The following MAGI2 variants were observed in gnomAD, a reference collection of about 807,000 sequenced individuals.
MAGI2 encodes membrane-associated guanylate kinase, WW and PDZ domain-containing protein 2.
MAGI2 carries 35 observed loss-of-function variants against 133.3 expected under a neutral mutation model. The observed-to-expected ratio is 0.26, with a 90% CI of 0.20 to 0.35. MAGI2 has a LOEUF of 0.35. MAGI2 is among the 10% of genes least tolerant of loss of function. The pLI is 1.00. For missense variants in MAGI2, 1,636 were observed against 1,863.4 expected, an observed-to-expected ratio of 0.88 and a Z score of 2.25; for synonymous variants, 729 against 710.6, an observed-to-expected ratio of 1.03 and a Z score of -0.41.
At chr7:79,293,559 T>C (rs1836670302) in intron 1 of MAGI2, among the ~76,000 whole-genome samples, 5 of 151,800 alleles carry the variant, frequency 3.3e-5, no homozygotes, top group Admixed American at 3.3e-4. Context: ...TAGATAATAT[T>C]TGTCTGGCAC....
chr7:79,416,994 A>T (rs1219973883), intron 1 of MAGI2, among the ~76,000 whole-genome samples: 1 of 151,810 alleles, frequency 6.6e-6, no homozygotes, highest in African/African-American at 2.4e-5. Context: ...AGCCTCCCAA[A>T]GTGCTGGAAT....
At chr7:79,094,379 C>T (rs1174893285) in intron 1 of MAGI2, among the ~76,000 whole-genome samples, 2 of 152,208 alleles carry the variant, frequency 1.3e-5, no homozygotes, top group African/African-American at 4.8e-5. Context: ...ATTTCTACCC[C>T]ATTTGCAGTT....
At chr7:79,299,554 C>CAAAAAAAAAAAAAAAAAAAAAA (rs57740248) in intron 1 of MAGI2, among the ~76,000 whole-genome samples, 2 of 84,710 alleles carry the variant, frequency 2.4e-5, no homozygotes, top group African/African-American at 4.6e-5. Context: ...GACTCCATCT[C>CAAAAAAAAAAAAAAAAAAAAAA]AAAAAAAAAA....
chr7:78,849,833 T>C (rs1792976541), intron 2 of MAGI2, among the ~76,000 whole-genome samples: 1 of 152,058 alleles, frequency 6.6e-6, no homozygotes, highest in Non-Finnish European at 1.5e-5. Flanking sequence ...TTTTGTTATT[T>C]TTCCATAGCA....
intron 1 of MAGI2, among the ~76,000 whole-genome samples, chr7:79,153,976 A>G (rs1220229624): frequency 6.6e-6 from 1 of 152,228 alleles, no homozygotes; most frequent in East Asian, 1.9e-4. Flanking sequence ...CACTTGGGCC[A>G]ATGGCTTCTA....
intron 3 of MAGI2, among the ~76,000 whole-genome samples, chr7:78,563,383 C>T (rs554537878): frequency 6.6e-5 from 10 of 152,276 alleles, no homozygotes; most frequent in East Asian, 1.9e-4. Flanking sequence ...TGCACCTTCC[C>T]GTGCCTGGCT....
chr7:78,311,798 T>G (rs1369344724), intron 9 of MAGI2, among the ~76,000 whole-genome samples: 2 of 151,164 alleles, frequency 1.3e-5, no homozygotes, highest in Non-Finnish European at 2.9e-5. Flanking sequence ...TGAGACAGGA[T>G]CTTGCTGTGT....
chr7:78,675,793 G>C (rs553897031), intron 2 of MAGI2, among the ~76,000 whole-genome samples: 2 of 152,194 alleles, frequency 1.3e-5, no homozygotes, highest in African/African-American at 4.8e-5. Flanking sequence ...CATCCTTCTT[G>C]TTTTCCAAAT....
intron 1 of MAGI2, among the ~76,000 whole-genome samples, chr7:79,246,670 C>G (rs1321879067): frequency 6.6e-6 from 1 of 152,020 alleles, no homozygotes; most frequent in African/African-American, 2.4e-5. Flanking sequence ...AAAAAAGCCT[C>G]AAAAGGGCAA....
At chr7:78,315,322 T>G (rs1030423808) in intron 9 of MAGI2, among the ~76,000 whole-genome samples, 1 of 152,200 alleles carries the variant, frequency 6.6e-6, no homozygotes, top group South Asian at 2.1e-4. Flanking sequence ...TGAATCACAC[T>G]AACTGGCATA....
At position 78,057,977 on chromosome 7, in the gene MAGI2, GTATATATATATATATATA is replaced by G. The variant is rs58788674; in HGVS notation, c.3706+20952_3706+20969del. The stretch of plus-strand genomic sequence containing the variant: ...CCCCTCTGGCATTTTATATATATGT[GTATATATATATATATATA>G]TATATATATGTATGAGAAACATCTT... On this transcript the variant is annotated intron_variant, in intron 21 of 21. Coordinates refer to ENST00000354212, the MANE Select transcript of MAGI2 (RefSeq NM_012301.4). 5.6e-5 allele frequency among the ~76,000 whole-genome samples: 6 copies of G among 106,612 alleles called. 1 individual carries two copies. The highest frequency in any genetic ancestry group is 1.0e-4 in the Non-Finnish European group (5 of 48,936). 69.9% of individuals were successfully genotyped at this position (106,612 alleles called of 152,430 possible).
chr7:78,536,861 G>A (rs373464719), intron 3 of MAGI2, among the ~76,000 whole-genome samples: 11 of 150,926 alleles, frequency 7.3e-5, no homozygotes, highest in African/African-American at 9.7e-5. Context: ...GTTTGGTTAC[G>A]TGGATAAGAT....
At chr7:78,739,255 CA>C (rs1189914638) in intron 2 of MAGI2, among the ~76,000 whole-genome samples, 1 of 152,036 alleles carries the variant, frequency 6.6e-6, no homozygotes, top group Non-Finnish European at 1.5e-5. Context: ...AAATCCATGG[CA>C]AAAAACATCT....
intron 3 of MAGI2, among the ~76,000 whole-genome samples, chr7:78,558,106 T>C (rs1219185143): frequency 3.3e-5 from 5 of 152,218 alleles, no homozygotes; most frequent in African/African-American, 4.8e-5. Context: ...ATCCTTAATA[T>C]ATATCAATTG....
At chr7:78,665,490 T>C (rs1031454016) in intron 2 of MAGI2, among the ~76,000 whole-genome samples, 35 of 152,294 alleles carry the variant, frequency 2.3e-4, no homozygotes, top group African/African-American at 7.7e-4. Context: ...TGTACACTGA[T>C]AAGCTGGTTA....
chr7:78,798,443 G>C (rs1787792118), intron 2 of MAGI2, among the ~76,000 whole-genome samples: 1 of 152,134 alleles, frequency 6.6e-6, no homozygotes. Context: ...TTCATTTCTT[G>C]GTAAATAAAT....
intron 2 of MAGI2, among the ~76,000 whole-genome samples, chr7:78,835,422 A>T (rs763564430): frequency 8.5e-5 from 13 of 152,230 alleles, no homozygotes; most frequent in African/African-American, 1.4e-4. Context: ...GCCTGCAAGA[A>T]CAGAAGATAG....
chr7:78,714,136 CAT>C (rs980293196), intron 2 of MAGI2, among the ~76,000 whole-genome samples: 10 of 151,424 alleles, frequency 6.6e-5, no homozygotes, highest in Non-Finnish European at 1.0e-4. Flanking sequence ...TGTACATAAA[CAT>C]ATATGAAGAC....
intron 1 of MAGI2, among the ~76,000 whole-genome samples, chr7:79,010,498 T>C (rs953792747): frequency 1.3e-5 from 2 of 152,280 alleles, no homozygotes; most frequent in South Asian, 2.1e-4. Context: ...ATAAATGTTA[T>C]CTATTGTTAA....
Sources: gnomAD v4.1 joint callset for allele counts (sites outside exome capture counted in the v4.1 genomes callset) on GRCh38, gnomAD v4.1.1 for gene constraint, MANE v1.5 for transcripts, NCBI Gene and HGNC (gene_info 2026-07-23, HGNC 2026-07-21) for gene names.